The following TBATA variants were observed in gnomAD, a reference collection of about 807,000 sequenced individuals.
TBATA encodes thymus, brain and testes associated.
Under a neutral mutation model 38.7 loss-of-function variants are expected in TBATA, and 47 were observed. The observed-to-expected ratio is 1.21, with a 90% CI of 0.96 to 1.55. The LOEUF is 1.55. Among genes scored for constraint, TBATA ranks in the 40% most tolerant of loss-of-function variants. The pLI is 0.00. For missense variants in TBATA, 436 were observed against 435.6 expected, an observed-to-expected ratio of 1.00 and a Z score of -0.01; for synonymous variants, 183 against 170.5, an observed-to-expected ratio of 1.07 and a Z score of -0.57.
At position 70,778,648 on chromosome 10, in the gene TBATA, G is replaced by A; in HGVS notation, c.428-12C>T. 1.9e-6 allele frequency: 3 copies of A among 1,613,836 alleles called. No individual in the cohort carries two copies. The highest frequency in any genetic ancestry group is 2.5e-6 in the Non-Finnish European group (3 of 1,179,798). ...CTTCTTCCAGGCTTCTGGGAGGAGG[G>A]GACAAGGTCCTGCCAACTGAAGTCA... On this transcript the variant is annotated splice_polypyrimidine_tract_variant and intron_variant, in intron 5 of 10. Coordinates refer to ENST00000456372, the MANE Select transcript of TBATA (RefSeq NM_001318241.2).
chr10:70,781,518 A>G (rs1218264689), intron 4 of TBATA, among the ~76,000 whole-genome samples: 1 of 152,246 alleles, frequency 6.6e-6, no homozygotes, highest in African/African-American at 2.4e-5. Flanking sequence ...ACTTAAGAGA[A>G]CAGAGCACTG....
At position 70,777,213 on chromosome 10, in the gene TBATA, ACTCTGCTGGCCCTGGT is replaced by A; in HGVS notation, c.617_632del (p.His206LeufsTer35). 8 of 1,613,380 alleles carry A rather than the reference ACTCTGCTGGCCCTGGT, an allele frequency of 5.0e-6. No homozygotes were observed. Among genetic ancestry groups the A allele is most frequent in the Non-Finnish European group, 6.8e-6 (8 of 1,179,896 alleles). ...CTCCTTCATGTCTGCTGGAAGACTG[ACTCTGCTGGCCCTGGT>A]GAGATCTGCGGCGGCCGACAGCCCG... On this transcript the variant is annotated frameshift_variant, in exon 7 of 11. Transcript: ENST00000456372. LOFTEE classifies it high-confidence loss of function.
At chr10:70,777,054 C>T in intron 7 of TBATA, 99 bp downstream of exon 7, 1 of 1,333,606 alleles carries the variant, frequency 7.5e-7, no homozygotes, top group East Asian at 2.5e-5. Flanking sequence ...CTTAACAGTC[C>T]TAGGCACCAG....
chr10:70,781,689 A>G (rs535840927), intron 4 of TBATA, 112 bp downstream of exon 4: 178 of 1,070,538 alleles, frequency 1.7e-4, no homozygotes, highest in Non-Finnish European at 2.2e-4. Context: ...CCTGGACCCC[A>G]TCCTCTCTGG....
intron 6 of TBATA, chr10:70,777,852 A>G (rs1466607925): frequency 8.9e-6 from 4 of 450,752 alleles, no homozygotes; most frequent in African/African-American, 6.0e-5. Flanking sequence ...TAAGACTGGT[A>G]GTATCCTTCC....
At chr10:70,773,023 T>A (rs1842944362) in intron 9 of TBATA, among the ~76,000 whole-genome samples, 1 of 152,192 alleles carries the variant, frequency 6.6e-6, no homozygotes, top group African/African-American at 2.4e-5. Flanking sequence ...CCATGCCTTT[T>A]TATGTGCCCG....
chr10:70,775,364 C>A (rs1843263227), intron 7 of TBATA, 94 bp from the exon 8 acceptor site: 3 of 1,104,916 alleles, frequency 2.7e-6, no homozygotes, highest in African/African-American at 1.5e-5. Context: ...ACCCTTCCCC[C>A]AAAGTGGGCT....
rs946529124 is a variant in TBATA at position 70,777,143 on chromosome 10, G to C, written c.693+10C>G. On this transcript the variant is annotated intron_variant, in intron 7 of 10. Transcript: ENST00000456372. ...GAGCCAGGAGCCTGGGAGCAGAACT[G>C]GGCCCTCACCAGCAGCTCCTGATCC... is the stretch of plus-strand genomic sequence containing the variant. The C allele has an allele frequency of 1.9e-6, 3 of 1,611,422 alleles. No individual in the cohort carries two copies.
Position 70,777,181 on chromosome 10 carries a change from G to C in TBATA, c.665C>G (p.Ala222Gly). 1.9e-6 allele frequency: 3 copies of C among 1,613,124 alleles called. No homozygotes were observed. Among genetic ancestry groups the C allele is most frequent in the Non-Finnish European group, 2.5e-6 (3 of 1,179,928 alleles). ...QSSSRHEGVQ[A>G]FLLQDQELLV... is the part of the protein sequence containing the mutation. Reference sequence around the variant, plus strand: ...CAGCTCCTGATCCTGAAGGAGGAAAGCCTGGACTCCTTCATGTCTGCTGGA... The same window carrying C: ...CAGCTCCTGATCCTGAAGGAGGAAACCCTGGACTCCTTCATGTCTGCTGGA... The change falls in exon 7 of 11, where the codon GCT (alanine) becomes GGT (glycine). Residue 222 changes from alanine to glycine, a missense_variant. Physicochemically the swap from Ala to Gly is moderately conservative, Grantham distance 60. Transcript: ENST00000456372.
At chr10:70,772,730 T>C (rs899861756) in intron 9 of TBATA, among the ~76,000 whole-genome samples, 164 bp from the exon 10 acceptor site, 17 of 152,006 alleles carry the variant, frequency 1.1e-4, no homozygotes, top group Admixed American at 1.3e-4. Context: ...AAAACATCTG[T>C]CCATGACTAG....
chr10:70,782,623 C>G (rs557143090), intron 3 of TBATA: 38 of 985,338 alleles, frequency 3.9e-5, no homozygotes, highest in Non-Finnish European at 4.5e-5. Context: ...GCAGCAGCTA[C>G]TGGGGCTGTG....
intron 4 of TBATA, among the ~76,000 whole-genome samples, chr10:70,781,108 C>T (rs1844157717): frequency 6.6e-6 from 1 of 152,202 alleles, no homozygotes; most frequent in Non-Finnish European, 1.5e-5. Flanking sequence ...TTTACTCCAG[C>T]CAGACCAGCT....
rs755766323 is a variant in TBATA at position 70,781,851 on chromosome 10, G to A, written c.227C>T (p.Ser76Phe). The A allele has an allele frequency of 2.3e-5, 37 of 1,614,030 alleles. No homozygotes were observed. The East Asian group carries it at 6.5e-4, about 28-fold the overall frequency. ...GTGTGGGTGGTGCCGGGAGAAGAAG[G>A]AGTGGTGACTGAGGCGTCCAAAGCA... ...TYCFGRLSHH[S>F]FFSRHHPHPQ... The change falls in exon 4 of 11, where the codon TCC becomes TTC. Residue 76 changes from serine to phenylalanine, a missense_variant. Ser to Phe is a radical substitution (Grantham distance 155). Coordinates refer to ENST00000456372, the MANE Select transcript of TBATA (RefSeq NM_001318241.2).
At position 70,771,457 on chromosome 10, in the gene TBATA, G is replaced by A. The variant is rs368280870; in HGVS notation, c.978C>T (p.Tyr326=). The A allele has an allele frequency of 3.3e-5, 54 of 1,613,830 alleles. No homozygotes were observed. The highest frequency in any genetic ancestry group is 1.3e-4 in the African/African-American group (10 of 75,010). The change falls in exon 11 of 11, where the codon TAC becomes TAT. Residue 326 remains tyrosine (Y), a synonymous_variant. Coordinates refer to ENST00000456372, the MANE Select transcript of TBATA (RefSeq NM_001318241.2). ...SPFTKSEKPE[Y]IGEAQVLQMH... is the part of the protein sequence containing the mutation. ...TCTGGAGGACTTGAGCTTCTCCAAT[G>A]TACTCTAGTGGGAGGAGAGACAGCA...
At chr10:70,781,414 A>G (rs1844196780) in intron 4 of TBATA, among the ~76,000 whole-genome samples, 1 of 152,202 alleles carries the variant, frequency 6.6e-6, no homozygotes, top group Non-Finnish European at 1.5e-5. Context: ...TGTATCCCCA[A>G]GGCCTAAAAA....
chr10:70,785,048 G>A (rs1844705607), intron 1 of TBATA, among the ~76,000 whole-genome samples: 1 of 152,218 alleles, frequency 6.6e-6, no homozygotes, highest in African/African-American at 2.4e-5. Context: ...CACAGCGGCT[G>A]TAGAGAGGCT....
chr10:70,779,569 G>A, intron 5 of TBATA, 24 bp downstream of exon 5: 3 of 1,462,746 alleles, frequency 2.1e-6, no homozygotes, highest in Non-Finnish European at 2.7e-6. Context: ...CCAGGGTAGA[G>A]GGAGGCATGG....
At chr10:70,784,799 CAG>C (rs1373783237) in intron 1 of TBATA, 26 bp from the exon 2 acceptor site, 5 of 152,130 alleles carry the variant, frequency 3.3e-5, no homozygotes, top group Non-Finnish European at 4.4e-5. Flanking sequence ...CTCTTTAGAA[CAG>C]AGACTTGCAA....
At position 70,776,413 on chromosome 10, in the gene TBATA, G is replaced by A. The variant is rs1299733573; in HGVS notation, c.693+740C>T. On this transcript the variant is annotated intron_variant, in intron 7 of 10. Coordinates refer to ENST00000456372, the MANE Select transcript of TBATA (RefSeq NM_001318241.2). ...ATGGTGGAGAAAGCACCTTAGTCCTGGCTATGCTGCTCCGTCTCAGGGGAC... is the reference window on the plus strand; with the variant it reads ...ATGGTGGAGAAAGCACCTTAGTCCTAGCTATGCTGCTCCGTCTCAGGGGAC... 6.6e-6 allele frequency: 3 copies of A among 456,184 alleles called. No individual in the cohort carries two copies. In the Admixed American group the frequency reaches 7.0e-5, roughly 11 times the overall value. The allele number at this position is 456,184 out of a possible 1,614,324, so 28.3% of individuals were successfully genotyped here. A position where few individuals can be genotyped will look rare whatever the true frequency, so the allele number is the denominator to read the frequency against.
Sources: allele counts gnomAD v4.1 joint callset (sites outside exome capture counted in the v4.1 genomes callset), GRCh38; gene constraint gnomAD v4.1.1; transcripts MANE v1.5; gene names NCBI Gene and HGNC (gene_info 2026-07-23, HGNC 2026-07-21).